Variants in MYZAP observed in about 807,000 individuals in gnomAD.
MYZAP encodes GRINL1A complex locus upstream.
MYZAP carries 66 observed loss-of-function variants against 69.4 expected under a neutral mutation model. That is an observed-to-expected ratio of 0.95 (90% confidence interval 0.78 to 1.17). The LOEUF is 1.17. Among genes scored for constraint, MYZAP ranks in the 50% most tolerant of loss-of-function variants. MYZAP has a pLI of 0.00. For synonymous variants in MYZAP, 256 were observed against 205.9 expected (o/e 1.24, Z -2.09); for missense variants, 611 against 556.2 (o/e 1.10, Z -0.99).
intron 4 of MYZAP, 118 bp from the exon 5 acceptor site, chr15:57,625,661 A>T: frequency 1.2e-6 from 1 of 862,648 alleles, no homozygotes; most frequent in African/African-American, 1.7e-5. Flanking sequence ...TTAAAGCTTT[A>T]CTTTAGATAT....
In MYZAP at chr15:57,640,274, C is replaced by T. The variant is rs1027462001; in HGVS notation, c.1119+729C>T. Among the ~76,000 whole-genome samples, 22 of 152,226 alleles carry T rather than the reference C, an allele frequency of 1.4e-4. No individual in the cohort carries two copies. In the Middle Eastern group the frequency reaches 0.01, roughly 71 times the overall value. On this transcript the variant is annotated intron_variant, in intron 10 of 12. Coordinates refer to ENST00000267853, the MANE Select transcript of MYZAP (RefSeq NM_001018100.5). Reference sequence around the variant, plus strand: ...TGGTGATGTTCCAAAGAAGAAAGTCCGTGCTCTGTAAAGCTAATCACATAT... The same window carrying T: ...TGGTGATGTTCCAAAGAAGAAAGTCTGTGCTCTGTAAAGCTAATCACATAT...
chr15:57,606,417 T>C lies in MYZAP; in HGVS notation c.162+2062T>C, dbSNP rs1402608883. Among the ~76,000 whole-genome samples, 5 of 152,310 alleles carry C rather than the reference T, an allele frequency of 3.3e-5. No homozygotes were observed. In the East Asian group the frequency reaches 5.8e-4, roughly 18 times the overall value. On this transcript the variant is annotated intron_variant, in intron 2 of 12. Transcript: ENST00000267853. The stretch of plus-strand genomic sequence containing the variant: ...CTGAATCCTTCAATAAATTCAATGT[T>C]ATTTTTAAAAAAGATGAGAATTTGT...
chr15:57,679,346 G>GTGTGTGTGTT lies in MYZAP; in HGVS notation c.1304+4287_1304+4288insTTGTGTGTGT, dbSNP rs1348474822. 1.2e-4 allele frequency among the ~76,000 whole-genome samples: 4 copies of GTGTGTGTGTT among 34,174 alleles called. No homozygotes were observed. The Admixed American group carries it at 1.9e-3, about 16-fold the overall frequency. The allele number at this position is 34,174 out of a possible 152,430, so 22.4% of individuals were successfully genotyped here. ...CTGCTTATGTTTCACCTCTTTGTGTGTGTGTGTGTGTGTGTGTGTGTGTGT... is the reference window on the plus strand; with the variant it reads ...CTGCTTATGTTTCACCTCTTTGTGTGTGTGTGTGTTTGTGTGTGTGTGTGTGTGTGTGTGT... On this transcript the variant is annotated intron_variant, in intron 12 of 12. Transcript: ENST00000267853.
At chr15:57,619,111 A>G (rs2035654487) in intron 3 of MYZAP, among the ~76,000 whole-genome samples, 2 of 152,248 alleles carry the variant, frequency 1.3e-5, no homozygotes, top group African/African-American at 4.8e-5. Context: ...GGTTAAAAAC[A>G]CAGCTTTGTG....
At chr15:57,637,819 A>G (rs2036904033) in intron 9 of MYZAP, 45 bp downstream of exon 9, 1 of 1,565,150 alleles carries the variant, frequency 6.4e-7, no homozygotes, top group Non-Finnish European at 8.7e-7. Context: ...TAGGTTGTGG[A>G]CACGCTGTGT....
Position 57,618,078 on chromosome 15 carries a change from G to C in MYZAP, c.208G>C (p.Gly70Arg). ...NGEPTRKLPQ[G>R]VVYGVVRRSD... Reference sequence around the variant, plus strand: ...AGAACCTACCAGGAAACTTCCTCAGGGTGTTGTTTATGGTGTGGTGCGAAG... The same window carrying C: ...AGAACCTACCAGGAAACTTCCTCAGCGTGTTGTTTATGGTGTGGTGCGAAG... Residue 70 changes from glycine to arginine, a missense_variant, in exon 3 of 13, where the codon GGT (glycine) becomes CGT (arginine). Physicochemically the swap from Gly to Arg is moderately radical, Grantham distance 125 (BLOSUM62 -2). Transcript: ENST00000267853. 6.2e-7 allele frequency: 1 copy of C among 1,614,136 alleles called. No homozygotes were observed. The highest frequency in any genetic ancestry group is 8.5e-7 in the Non-Finnish European group (1 of 1,180,024).
chr15:57,643,141 C>T (rs2037255394), intron 10 of MYZAP, among the ~76,000 whole-genome samples: 2 of 152,146 alleles, frequency 1.3e-5, no homozygotes, highest in South Asian at 4.1e-4. Flanking sequence ...CCACGTGTGC[C>T]TCTTATAGCC....
intron 10 of MYZAP, among the ~76,000 whole-genome samples, chr15:57,641,234 C>G (rs1253516184): frequency 6.6e-6 from 1 of 152,158 alleles, no homozygotes; most frequent in Non-Finnish European, 1.5e-5. Context: ...GAGGTTAAGG[C>G]TGTACCAGAA....
chr15:57,663,634 G>A (rs1305731360), intron 11 of MYZAP, among the ~76,000 whole-genome samples: 1 of 152,194 alleles, frequency 6.6e-6, no homozygotes, highest in African/African-American at 2.4e-5. Context: ...GCTGAGGCCT[G>A]CTCTGGGGGG....
chr15:57,647,322 C>T, intron 10 of MYZAP: 1 of 985,380 alleles, frequency 1.0e-6, no homozygotes, highest in Non-Finnish European at 1.2e-6. Flanking sequence ...GCTGGGTATT[C>T]AGACTTCCAC....
At chr15:57,604,083 C>G (rs563926283) in intron 1 of MYZAP, among the ~76,000 whole-genome samples, 186 bp from the exon 2 acceptor site, 112 of 152,310 alleles carry the variant, frequency 7.4e-4, no homozygotes, top group African/African-American at 2.6e-3. Flanking sequence ...GGTGCCTGTG[C>G]TGTACCAGGC....
chr15:57,637,744 C>G lies in MYZAP; in HGVS notation c.983C>G (p.Ser328Cys), dbSNP rs1204479894. The change falls in exon 9 of 13, where the codon TCT becomes TGT. Residue 328 changes from serine to cysteine, a missense_variant. Physicochemically the swap from Ser to Cys is moderately radical, Grantham distance 112. Coordinates refer to ENST00000267853, the MANE Select transcript of MYZAP (RefSeq NM_001018100.5). ...LQLLEHETEM[S>C]GELTDSDKER... ...CTCCTAGAACATGAAACAGAAATGT[C>G]TGGGGAGTTAACTGATTCTGACAAG... 6.2e-7 allele frequency: 1 copy of G among 1,612,474 alleles called. No homozygotes were observed. Among genetic ancestry groups the G allele is most frequent in the African/African-American group, 1.3e-5 (1 of 74,888 alleles).
chr15:57,607,860 G>C (rs1471668879), intron 2 of MYZAP, among the ~76,000 whole-genome samples: 2 of 152,172 alleles, frequency 1.3e-5, no homozygotes, highest in African/African-American at 4.8e-5. Context: ...GTCCTGGCCA[G>C]GTTCCTGGCA....
chr15:57,653,649 G>C (rs2140514900), intron 10 of MYZAP, among the ~76,000 whole-genome samples: 1 of 152,150 alleles, frequency 6.6e-6, no homozygotes, highest in African/African-American at 2.4e-5. Flanking sequence ...GCTTCACCTA[G>C]GGGGCTTGAG....
intron 10 of MYZAP, among the ~76,000 whole-genome samples, chr15:57,654,294 T>A (rs1278533657): frequency 6.6e-6 from 1 of 152,116 alleles, no homozygotes; most frequent in Non-Finnish European, 1.5e-5. Flanking sequence ...TGGTTTTCCT[T>A]TGTTTCAGCG....
At chr15:57,638,935 A>T (rs1313697801) in intron 9 of MYZAP, among the ~76,000 whole-genome samples, 1 of 152,184 alleles carries the variant, frequency 6.6e-6, no homozygotes, top group Non-Finnish European at 1.5e-5. Context: ...CAGATCTGTA[A>T]ATGGTGCAAA....
intron 10 of MYZAP, among the ~76,000 whole-genome samples, chr15:57,654,077 T>C (rs2037876797): frequency 6.8e-6 from 1 of 147,776 alleles, no homozygotes; most frequent in Non-Finnish European, 1.5e-5. Context: ...TTCTGATTGG[T>C]TAAATTTAAA....
chr15:57,626,142 T>C (rs1459265133), intron 5 of MYZAP, among the ~76,000 whole-genome samples: 2 of 152,180 alleles, frequency 1.3e-5, no homozygotes, highest in African/African-American at 4.8e-5. Flanking sequence ...GTGTGAGAGA[T>C]GTTGCTTGCT....
Position 57,625,832 on chromosome 15 carries a change from T to C in MYZAP, c.465T>C (p.Ser155=), listed in dbSNP as rs773068831. The C allele has an allele frequency of 6.2e-7, 1 of 1,614,204 alleles. No homozygotes were observed. Among genetic ancestry groups the C allele is most frequent in the Admixed American group, 1.7e-5 (1 of 60,024 alleles). Residue 155 remains serine (S), a synonymous_variant, in exon 5 of 13, where the codon TCT becomes TCC. Coordinates refer to ENST00000267853, the MANE Select transcript of MYZAP (RefSeq NM_001018100.5). ...AGAATCACATCCAAACCCAGTCGTC[T>C]GCCCTGGATCGTTTTAATGCCATGA... ...YLENHIQTQS[S]ALDRFNAMNS...
Sources: gnomAD v4.1 joint callset for allele counts (sites outside exome capture counted in the v4.1 genomes callset) on GRCh38, gnomAD v4.1.1 for gene constraint, MANE v1.5 for transcripts, NCBI Gene and HGNC (gene_info 2026-07-23, HGNC 2026-07-21) for gene names.